Variants in MTUS2 observed in about 807,000 individuals in gnomAD.
MTUS2 encodes microtubule-associated tumor suppressor candidate 2.
A neutral mutation model predicts 114.1 loss-of-function variants in MTUS2; 40 were observed. The ratio of observed to expected loss-of-function variants is 0.35; its 90% CI spans 0.27 to 0.46. The LOEUF is 0.46. MTUS2 is among the 20% of genes least tolerant of loss of function. MTUS2 has a pLI of 1.00. For missense variants in MTUS2, 1,679 were observed against 1,705.4 expected, an observed-to-expected ratio of 0.98 and a Z score of 0.27; for synonymous variants, 688 against 672.0, an observed-to-expected ratio of 1.02 and a Z score of -0.37.
chr13:28,867,929 G>C (rs1877398219), intron 2 of MTUS2, among the ~76,000 whole-genome samples: 1 of 152,168 alleles, frequency 6.6e-6, no homozygotes, highest in African/African-American at 2.4e-5. Flanking sequence ...CTAGGGCCCT[G>C]ATGGTTTAAT....
At chr13:29,492,362 G>A (rs994803409) in intron 11 of MTUS2, among the ~76,000 whole-genome samples, 9 of 151,766 alleles carry the variant, frequency 5.9e-5, no homozygotes, top group East Asian at 3.9e-4. Flanking sequence ...TGATGTTTGC[G>A]TGTGTGTGTA....
intron 2 of MTUS2, among the ~76,000 whole-genome samples, chr13:29,017,017 T>A (rs1886094331): frequency 6.6e-6 from 1 of 152,222 alleles, no homozygotes; most frequent in East Asian, 1.9e-4. Context: ...ACCAAGAACC[T>A]GAATGTTCCT....
intron 2 of MTUS2, among the ~76,000 whole-genome samples, chr13:28,972,838 A>AT (rs1417293162): frequency 1.3e-5 from 2 of 152,244 alleles, no homozygotes; most frequent in African/African-American, 2.4e-5. Context: ...AGAGATGCTG[A>AT]TTTTTTTGCA....
At chr13:29,099,350 C>T (rs115202427) in intron 4 of MTUS2, among the ~76,000 whole-genome samples, 1,831 of 152,338 alleles carry the variant, frequency 0.012, 34 homozygotes, top group African/African-American at 0.04. Context: ...TCCTCCCCAT[C>T]CTAGTCCTGA....
chr13:28,870,359 C>T (rs1385204781), intron 2 of MTUS2, among the ~76,000 whole-genome samples: 1 of 152,118 alleles, frequency 6.6e-6, no homozygotes, highest in East Asian at 1.9e-4. Context: ...TCATTATCCA[C>T]CTGGCTGGAC....
rs114645349 is a variant in MTUS2, at chr13:29,444,594, T to C, written c.3184+4545T>C. On this transcript the variant is annotated intron_variant, in intron 9 of 15. Transcript: ENST00000612955. ...GGCCATTTTTTTTAAAGCCCCCTTA[T>C]TAAGTACAGTGAAGTTGGAGATTCA... Among the ~76,000 whole-genome samples the C allele has an allele frequency of 1.6e-3, 249 of 152,296 alleles. 2 individuals are homozygous for C. Among genetic ancestry groups the C allele is most frequent in the Middle Eastern group, 6.8e-3 (2 of 294 alleles).
rs928893417 is a variant in MTUS2, at chr13:29,379,374, G to A, written c.3117+19901G>A. On this transcript the variant is annotated intron_variant, in intron 8 of 15. Coordinates refer to ENST00000612955, the MANE Select transcript of MTUS2 (RefSeq NM_001033602.4). ...GTACCATCCTCATGCCTGGAGAAGG[G>A]GCTGGGGGAGCCATTAGACCTATAG... 8.5e-5 allele frequency among the ~76,000 whole-genome samples: 13 copies of A among 152,282 alleles called. 1 individual carries two copies. Among genetic ancestry groups the A allele is most frequent in the African/African-American group, 3.1e-4 (13 of 41,558 alleles).
At chr13:29,088,834 C>G (rs953122814) in intron 4 of MTUS2, among the ~76,000 whole-genome samples, 21 of 152,068 alleles carry the variant, frequency 1.4e-4, no homozygotes, top group African/African-American at 4.6e-4. Context: ...TTCTCCATCT[C>G]CTTACTTTAT....
At chr13:29,367,169 G>C (rs2138275257) in intron 8 of MTUS2, among the ~76,000 whole-genome samples, 1 of 152,226 alleles carries the variant, frequency 6.6e-6, no homozygotes, top group African/African-American at 2.4e-5. Context: ...CAAGCAGGCA[G>C]GGTACCTGGG....
intron 8 of MTUS2, among the ~76,000 whole-genome samples, chr13:29,387,621 A>G (rs1872715413): frequency 6.6e-6 from 1 of 152,198 alleles, no homozygotes. Flanking sequence ...TAAAGGAACA[A>G]GGCGAGAGAT....
rs201373243 is a variant in MTUS2, at chr13:29,026,861, G to A, written c.2163G>A (p.Pro721=). The A allele has an allele frequency of 6.9e-6, 11 of 1,603,602 alleles. No homozygotes were observed. The highest frequency in any genetic ancestry group is 6.7e-5 in the East Asian group (3 of 44,874). ...SGLMVSGIKP[P]GHPFSQMSEK... is the part of the protein sequence containing the mutation. ...TGATGGTGTCTGGAATCAAGCCCCC[G>A]GGACATCCTTTCAGTCAAATGAGTG... Residue 721 remains proline (P), a synonymous_variant, in exon 3 of 16, where the codon CCG becomes CCA. Transcript: ENST00000612955.
At chr13:28,938,323 G>A (rs1882033443) in intron 2 of MTUS2, among the ~76,000 whole-genome samples, 1 of 151,726 alleles carries the variant, frequency 6.6e-6, no homozygotes, top group Non-Finnish European at 1.5e-5. Flanking sequence ...GGAGGTTGCA[G>A]TGAGCTGAGA....
intron 9 of MTUS2, among the ~76,000 whole-genome samples, chr13:29,473,806 G>T (rs1483070449): frequency 6.6e-6 from 1 of 152,084 alleles, no homozygotes; most frequent in African/African-American, 2.4e-5. Context: ...AGATTGTAGG[G>T]GTTTATGATA....
At chr13:29,297,200 C>A (rs1344247026) in intron 6 of MTUS2, among the ~76,000 whole-genome samples, 1 of 152,090 alleles carries the variant, frequency 6.6e-6, no homozygotes, top group South Asian at 2.1e-4. Flanking sequence ...AAGAGACTTG[C>A]ATTTTACCTA....
chr13:29,157,657 G>A (rs1593538365), intron 5 of MTUS2, among the ~76,000 whole-genome samples: 2 of 152,116 alleles, frequency 1.3e-5, no homozygotes, highest in South Asian at 2.1e-4. Context: ...TGAACTTTCC[G>A]AAGTCTCGGG....
chr13:29,299,454 TTGTCCC>T (rs1899095831), intron 6 of MTUS2, among the ~76,000 whole-genome samples: 1 of 152,240 alleles, frequency 6.6e-6, no homozygotes, highest in African/African-American at 2.4e-5. Context: ...GACACAGTCC[TTGTCCC>T]TGTGGAGCTG....
chr13:29,233,359 A>G (rs1896410487), intron 5 of MTUS2, among the ~76,000 whole-genome samples: 1 of 151,898 alleles, frequency 6.6e-6, no homozygotes, highest in South Asian at 2.1e-4. Context: ...ACCAGGGGGG[A>G]TGATCACACT....
chr13:29,322,372 C>T (rs1424842588), intron 6 of MTUS2, among the ~76,000 whole-genome samples: 3 of 152,036 alleles, frequency 2.0e-5, no homozygotes, highest in South Asian at 2.1e-4. Context: ...GAGGGGTACC[C>T]GTGACTTCAG....
intron 6 of MTUS2, 129 bp from the exon 7 acceptor site, chr13:29,324,484 A>G: frequency 3.0e-6 from 2 of 658,030 alleles, no homozygotes; most frequent in African/African-American, 3.6e-5. Flanking sequence ...CCATAGCAAC[A>G]AATCACCCAA....
Sources: allele counts gnomAD v4.1 joint callset (sites outside exome capture counted in the v4.1 genomes callset), GRCh38; gene constraint gnomAD v4.1.1; transcripts MANE v1.5; gene names NCBI Gene and HGNC (gene_info 2026-07-23, HGNC 2026-07-21).